Variants in CYB5A observed in about 807,000 individuals in gnomAD.
The protein encoded by CYB5A is cytochrome b5.
Under a neutral mutation model 16.2 loss-of-function variants are expected in CYB5A, and 10 were observed. That is an observed-to-expected ratio of 0.62 (90% CI 0.38 to 1.04). CYB5A has a LOEUF of 1.04. Ranked by LOEUF, CYB5A falls within the 50% of genes least tolerant of loss-of-function variation. The probability of loss-of-function intolerance (pLI) is 0.01; values close to 1 mark genes in which losing one functional copy is unlikely to be tolerated. For missense variants in CYB5A, 161 were observed against 165.9 expected (o/e 0.97, Z 0.16); for synonymous variants, 62 against 57.0 (o/e 1.09, Z -0.40).
At chr18:74,282,614 GGGAT>G (rs1983161942) in intron 1 of CYB5A, among the ~76,000 whole-genome samples, 1 of 152,178 alleles carries the variant, frequency 6.6e-6, no homozygotes, top group Non-Finnish European at 1.5e-5. Context: ...GGCACAAAAC[GGGAT>G]GGGACACCAT....
chr18:74,255,650 A>T, intron 4 of CYB5A, 91 bp downstream of exon 4: 1 of 1,054,972 alleles, frequency 9.5e-7, no homozygotes, highest in Non-Finnish European at 1.5e-6. Context: ...TGTCAGGCCC[A>T]GGAACCCAGA....
chr18:74,267,107 A>G (rs1228296877), intron 1 of CYB5A, among the ~76,000 whole-genome samples: 1 of 152,162 alleles, frequency 6.6e-6, no homozygotes, highest in Non-Finnish European at 1.5e-5. Context: ...AAACTTGTCA[A>G]TCTTCTCACT....
Position 74,251,485 on chromosome 18 carries a change from G to C in CYB5A, c.*2099C>G, listed in dbSNP as rs948551584. On this transcript the variant is annotated 3_prime_UTR_variant, in exon 5 of 5. Coordinates refer to ENST00000340533, the MANE Select transcript of CYB5A (RefSeq NM_148923.4). Reference sequence around the variant, plus strand: ...TTAGCCTTTCCAAAGGAAGCAATCAGATATGCCTCTCTCTCAGTGAGCAGA... The same window carrying C: ...TTAGCCTTTCCAAAGGAAGCAATCACATATGCCTCTCTCTCAGTGAGCAGA... The C allele has an allele frequency of 1.7e-4, 26 of 152,214 alleles. No individual in the cohort carries two copies. Among genetic ancestry groups the C allele is most frequent in the Non-Finnish European group, 1.5e-5 (1 of 68,040 alleles). 9.4% of individuals were successfully genotyped at this position (152,214 alleles called of 1,614,324 possible).
intron 1 of CYB5A, among the ~76,000 whole-genome samples, chr18:74,273,333 G>T (rs143998752): frequency 6.3e-4 from 96 of 152,304 alleles, no homozygotes; most frequent in Non-Finnish European, 1.2e-3. Context: ...AAGAGGTACA[G>T]CCCTGGTTTC....
intron 3 of CYB5A, chr18:74,257,468 G>A (rs970269045): frequency 2.6e-5 from 4 of 153,664 alleles, no homozygotes; most frequent in Non-Finnish European, 4.3e-5. Context: ...AGTGGTCAGT[G>A]CTCTGAGGGC....
intron 1 of CYB5A, among the ~76,000 whole-genome samples, chr18:74,284,232 C>CA (rs1568224908): frequency 0.045 from 4,514 of 100,092 alleles, 451 homozygotes; most frequent in African/African-American, 0.2. Flanking sequence ...AACTCCATCT[C>CA]CAAAAAAAAA....
At chr18:74,284,475 AG>A (rs1186002889) in intron 1 of CYB5A, among the ~76,000 whole-genome samples, 1 of 152,188 alleles carries the variant, frequency 6.6e-6, no homozygotes, top group Non-Finnish European at 1.5e-5. Context: ...TTTCTGAGGA[AG>A]ACGAGGGAAA....
At chr18:74,278,091 A>G (rs1470898338) in intron 1 of CYB5A, among the ~76,000 whole-genome samples, 1 of 152,090 alleles carries the variant, frequency 6.6e-6, no homozygotes, top group African/African-American at 2.4e-5. Flanking sequence ...ACTTGTGTGG[A>G]CCCTTCTAAA....
At chr18:74,272,067 A>G (rs1982690709) in intron 1 of CYB5A, among the ~76,000 whole-genome samples, 1 of 152,232 alleles carries the variant, frequency 6.6e-6, no homozygotes, top group African/African-American at 2.4e-5. Flanking sequence ...ACTTTCTTCA[A>G]GCCTCCTTGC....
intron 1 of CYB5A, among the ~76,000 whole-genome samples, chr18:74,287,348 G>A (rs188001631): frequency 1.5e-4 from 23 of 152,266 alleles, no homozygotes; most frequent in Non-Finnish European, 2.9e-4. Flanking sequence ...GTAAAGATAC[G>A]TGTTCTATGT....
rs1271366087 is a variant in CYB5A, at chr18:74,274,531, G to C, written c.130-11054C>G. On this transcript the variant is annotated intron_variant, in intron 1 of 4. Coordinates refer to ENST00000340533, the MANE Select transcript of CYB5A (RefSeq NM_148923.4). Reference sequence around the variant, plus strand: ...AAAGAAAATGCTGTGGGTAAAATCAGTCACTCTAGGTTTAAATTTGCAGTC... The same window carrying C: ...AAAGAAAATGCTGTGGGTAAAATCACTCACTCTAGGTTTAAATTTGCAGTC... Among the ~76,000 whole-genome samples the C allele has an allele frequency of 5.9e-5, 9 of 152,174 alleles. No individual in the cohort carries two copies. The East Asian group carries it at 1.7e-3, about 29-fold the overall frequency.
At chr18:74,269,347 C>T (rs902078352) in intron 1 of CYB5A, among the ~76,000 whole-genome samples, 4 of 152,180 alleles carry the variant, frequency 2.6e-5, no homozygotes, top group African/African-American at 7.2e-5. Flanking sequence ...GTCTCCTGAT[C>T]GTCTACGTGT....
At chr18:74,255,409 G>T (rs1981933563) in intron 4 of CYB5A, among the ~76,000 whole-genome samples, 1 of 152,222 alleles carries the variant, frequency 6.6e-6, no homozygotes. Flanking sequence ...GGATTGAAAG[G>T]AAGGAAATGT....
intron 1 of CYB5A, among the ~76,000 whole-genome samples, chr18:74,267,757 C>T (rs1363620098): frequency 6.6e-6 from 1 of 152,150 alleles, no homozygotes; most frequent in Non-Finnish European, 1.5e-5. Context: ...TGAAATTCTC[C>T]CAAAGAGCCT....
Position 74,271,647 on chromosome 18 carries a change from C to CGTGTGT in CYB5A, c.130-8176_130-8171dup, listed in dbSNP as rs140764495. Among the ~76,000 whole-genome samples, 18 of 149,946 alleles carry CGTGTGT rather than the reference C, an allele frequency of 1.2e-4. No individual in the cohort carries two copies. The South Asian group carries it at 2.1e-3, about 18-fold the overall frequency. On this transcript the variant is annotated intron_variant, in intron 1 of 4. Transcript: ENST00000340533. ...CATATCCATCACCTCATGTACTTAT[C>CGTGTGT]GTGTGTGTGTGTGTGTGTGTGTGTC...
intron 1 of CYB5A, among the ~76,000 whole-genome samples, chr18:74,277,747 G>A (rs1443873846): frequency 6.6e-6 from 1 of 152,204 alleles, no homozygotes; most frequent in Non-Finnish European, 1.5e-5. Flanking sequence ...GAGCTCGCCA[G>A]GTGAGCAAGG....
At chr18:74,273,587 C>A (rs1388353734) in intron 1 of CYB5A, among the ~76,000 whole-genome samples, 1 of 152,224 alleles carries the variant, frequency 6.6e-6, no homozygotes, top group Non-Finnish European at 1.5e-5. Context: ...TGATGGCCAA[C>A]ACAGAGCTCA....
intron 1 of CYB5A, among the ~76,000 whole-genome samples, chr18:74,289,873 C>T (rs560924405): frequency 1.3e-5 from 2 of 151,682 alleles, no homozygotes; most frequent in South Asian, 4.2e-4. Context: ...ATGCCCAGGA[C>T]AGACGCCACA....
chr18:74,281,277 T>C (rs1478214955), intron 1 of CYB5A, among the ~76,000 whole-genome samples: 1 of 152,096 alleles, frequency 6.6e-6, no homozygotes, highest in Non-Finnish European at 1.5e-5. Context: ...CATCTAACTG[T>C]GATGTAGCCT....
Sources: gnomAD v4.1 joint callset for allele counts (sites outside exome capture counted in the v4.1 genomes callset) on GRCh38, gnomAD v4.1.1 for gene constraint, MANE v1.5 for transcripts, NCBI Gene and HGNC (gene_info 2026-07-23, HGNC 2026-07-21) for gene names.